Variants in SBNO2 observed in about 807,000 individuals in gnomAD.
SBNO2 encodes strawberry notch homolog 2, also known as protein strawberry notch homolog 2.
Under a neutral mutation model 146.3 loss-of-function variants are expected in SBNO2, and 89 were observed. That is an observed-to-expected ratio of 0.61 (90% CI 0.51 to 0.73). The LOEUF is 0.73. Ranked by LOEUF, SBNO2 falls within the 30% of genes least tolerant of loss-of-function variation. The pLI is 0.00. For synonymous variants in SBNO2, 1,147 were observed against 892.6 expected (o/e 1.29, Z -5.08); for missense variants, 2,092 against 2,003.7 (o/e 1.04, Z -0.84).
intron 1 of SBNO2, among the ~76,000 whole-genome samples, chr19:1,167,883 G>A (rs980508203): frequency 6.6e-6 from 1 of 152,180 alleles, no homozygotes; most frequent in Non-Finnish European, 1.5e-5. Flanking sequence ...GCAGGCTCCG[G>A]GGACACGCTC....
intron 1 of SBNO2, among the ~76,000 whole-genome samples, chr19:1,172,922 A>G (rs1444956133): frequency 6.6e-6 from 1 of 151,376 alleles, no homozygotes; most frequent in Non-Finnish European, 1.5e-5. Context: ...GGACGTTCTG[A>G]GCAGGCGGGA....
At position 1,112,117 on chromosome 19, in the gene SBNO2, A is replaced by C; in HGVS notation, c.2629-50T>G. On this transcript the variant is annotated intron_variant, in intron 22 of 31. Transcript: ENST00000361757. This position sits in a 1 kb window ranked among gnomAD's most constrained non-coding sequence, Gnocchi z 5.9. ...GTTGGTCACCTGGGGTCTGGCCTCT[A>C]GCACCCCACAAAGCTTTGGAGAGCC... The C allele has an allele frequency of 6.2e-7, 1 of 1,606,980 alleles. No homozygotes were observed. The highest frequency in any genetic ancestry group is 8.5e-7 in the Non-Finnish European group (1 of 1,176,582).
At chr19:1,111,471 C>A (rs764115868) in intron 24 of SBNO2, 35 bp downstream of exon 24, 5 of 1,436,822 alleles carry the variant, frequency 3.5e-6, no homozygotes, top group Non-Finnish European at 4.8e-6. Context: ...GCAACCCCTG[C>A]CCCTCCCAGG....
In SBNO2 at chr19:1,149,359, C is replaced by T. The variant is rs757041508; in HGVS notation, c.167+10G>A. 4.1e-5 allele frequency: 63 copies of T among 1,550,736 alleles called. 1 individual carries two copies. In the South Asian group the frequency reaches 4.9e-4, roughly 12 times the overall value. ...CCTGGGGGCCAGGCGGGGAGGGTCC[C>T]GGTACTCACCGGCTGTCGCTGGAGA... On this transcript the variant is annotated intron_variant, in intron 3 of 31. Coordinates refer to ENST00000361757, the MANE Select transcript of SBNO2 (RefSeq NM_014963.3).
intron 17 of SBNO2, 115 bp downstream of exon 17, chr19:1,115,906 C>A (rs1199603354): frequency 1.2e-6 from 1 of 846,488 alleles, no homozygotes; most frequent in Admixed American, 2.0e-5. Context: ...ACGGACAGGA[C>A]CTGCATTTGG....
intron 1 of SBNO2, among the ~76,000 whole-genome samples, chr19:1,163,456 G>A (rs1804131144): frequency 6.6e-6 from 1 of 152,226 alleles, no homozygotes; most frequent in Non-Finnish European, 1.5e-5. Flanking sequence ...CACCCAGTTT[G>A]CAGCACTGCT....
chr19:1,147,496 T>A, intron 3 of SBNO2, 76 bp from the exon 4 acceptor site: 2 of 844,244 alleles, frequency 2.4e-6, no homozygotes, highest in Non-Finnish European at 3.5e-6. Context: ...TGCACCCCCA[T>A]GGCCGCAGCC....
chr19:1,156,977 CACA>C (rs1568630692), intron 1 of SBNO2, among the ~76,000 whole-genome samples: 104 of 151,100 alleles, frequency 6.9e-4, no homozygotes, highest in East Asian at 1.8e-3. Flanking sequence ...CCTCAGGACC[CACA>C]GCCCTGCCTT....
chr19:1,172,372 G>A (rs1167324172), intron 1 of SBNO2, among the ~76,000 whole-genome samples: 1 of 152,164 alleles, frequency 6.6e-6, no homozygotes, highest in Non-Finnish European at 1.5e-5. Context: ...GCCACTGTGA[G>A]AAGCCATCAC....
Position 1,170,605 on chromosome 19 carries a change from C to A in SBNO2, c.-127+3567G>T, listed in dbSNP as rs999515136. On this transcript the variant is annotated intron_variant, in intron 1 of 31. Coordinates refer to ENST00000361757, the MANE Select transcript of SBNO2 (RefSeq NM_014963.3). ...TGACTGGAGGTATTCCAGGCCTGCC[C>A]GCAACAAATCACACACACATGCACA... Among the ~76,000 whole-genome samples the A allele has an allele frequency of 3.3e-5, 5 of 152,116 alleles. No individual in the cohort carries two copies. In the East Asian group the frequency reaches 7.7e-4, roughly 23 times the overall value.
In SBNO2 at chr19:1,123,061, C is replaced by CGGA. The variant is rs779771448; in HGVS notation, c.629-19_629-17dup. The CGGA allele has an allele frequency of 4.4e-6, 7 of 1,589,784 alleles. No homozygotes were observed. The South Asian group carries it at 8.0e-5, about 18-fold the overall frequency. ...CCGATCTTGGCTGGAGGAGCAAGGACGGAGGGCAAGGTAAAGGGTATGGCC... is the reference window on the plus strand; with the variant it reads ...CCGATCTTGGCTGGAGGAGCAAGGACGGAGGAGGGCAAGGTAAAGGGTATGGCC... On this transcript the variant is annotated splice_polypyrimidine_tract_variant and intron_variant, in intron 7 of 31. Coordinates refer to ENST00000361757, the MANE Select transcript of SBNO2 (RefSeq NM_014963.3).
rs1346531401 is a variant in SBNO2, at chr19:1,166,188, C to T, written c.-127+7984G>A. 3.4e-3 allele frequency among the ~76,000 whole-genome samples: 275 copies of T among 80,570 alleles called. 3 individuals carry two copies. The highest frequency in any genetic ancestry group is 0.014 in the African/African-American group (268 of 18,942). 52.9% of individuals were successfully genotyped at this position (80,570 alleles called of 152,430 possible). ...AGATCCCCAGACCCCAGATCCCAGACTTCAGATCCCCGGATCCCCAGATCC... is the reference window on the plus strand; with the variant it reads ...AGATCCCCAGACCCCAGATCCCAGATTTCAGATCCCCGGATCCCCAGATCC... On this transcript the variant is annotated intron_variant, in intron 1 of 31. Coordinates refer to ENST00000361757, the MANE Select transcript of SBNO2 (RefSeq NM_014963.3).
In SBNO2 at chr19:1,122,924, C is replaced by A. The variant is rs963746911; in HGVS notation, c.750G>T (p.Leu250=). ...LPSDSGALSA[L]QLEAITYACQ... is the part of the protein sequence containing the mutation. ...AGGCGTAGGTGATGGCCTCTAGCTG[C>A]AGGGCAGACAGGGCCCCGCTGTCCG... Residue 250 remains leucine (L), a synonymous_variant, in exon 8 of 32, where the codon CTG becomes CTT. Coordinates refer to ENST00000361757, the MANE Select transcript of SBNO2 (RefSeq NM_014963.3). The A allele has an allele frequency of 1.7e-5, 26 of 1,555,086 alleles. No individual in the cohort carries two copies. Among genetic ancestry groups the A allele is most frequent in the Non-Finnish European group, 2.1e-5 (24 of 1,150,110 alleles).
In SBNO2 at chr19:1,114,231, C is replaced by T; in HGVS notation, c.2077G>A (p.Gly693Arg). ...CTGGCCAGCCTGGGCAAGCCCTCAC[C>T]CCGGTCGTCACTGGGGAGCCCGACT... The part of the protein sequence containing the change: ...DAVGLPSDDR[G>R]PLCLLQRDPH... Residue 693 changes from glycine to arginine, a missense_variant and splice_region_variant, in exon 18 of 32, where the codon GGA becomes AGA. Gly to Arg is a moderately radical substitution (Grantham distance 125, BLOSUM62 -2). Coordinates refer to ENST00000361757, the MANE Select transcript of SBNO2 (RefSeq NM_014963.3). 6.7e-7 allele frequency: 1 copy of T among 1,483,672 alleles called. No individual in the cohort carries two copies. The highest frequency in any genetic ancestry group is 9.0e-7 in the Non-Finnish European group (1 of 1,108,264). The allele number at this position is 1,483,672 out of a possible 1,614,324, so 91.9% of individuals were successfully genotyped here.
Position 1,166,019 on chromosome 19 carries a change from TCAGACCCCAGACCC to T in SBNO2, c.-127+8139_-127+8152del, listed in dbSNP as rs2080416987. Among the ~76,000 whole-genome samples, 2 of 57,138 alleles carry T rather than the reference TCAGACCCCAGACCC, an allele frequency of 3.5e-5. 1 individual carries two copies. Among genetic ancestry groups the T allele is most frequent in the African/African-American group, 1.9e-4 (2 of 10,586 alleles). The allele number at this position is 57,138 out of a possible 152,430, so 37.5% of individuals were successfully genotyped here. A position where few individuals can be genotyped will look rare whatever the true frequency, so the allele number is the denominator to read the frequency against. ...GACCCCAGATCCTAGATCCCAGACCTCAGACCCCAGACCCCAGACCCCAGATCCCAGATCCCAGA... is the reference window on the plus strand; with the variant it reads ...GACCCCAGATCCTAGATCCCAGACCTCAGACCCCAGATCCCAGATCCCAGA... On this transcript the variant is annotated intron_variant, in intron 1 of 31. Coordinates refer to ENST00000361757, the MANE Select transcript of SBNO2 (RefSeq NM_014963.3).
Position 1,116,106 on chromosome 19 carries a change from G to A in SBNO2, c.1803-3C>T, listed in dbSNP as rs1479314434. ...GAATTAGCGACAGGAACACGCCTCT[G>A]AAAGTGAGACGCGGAGTTTATTCTC... On this transcript the variant is annotated splice_polypyrimidine_tract_variant and splice_region_variant and intron_variant, in intron 16 of 31. Coordinates refer to ENST00000361757, the MANE Select transcript of SBNO2 (RefSeq NM_014963.3). 5 of 1,606,402 alleles carry A rather than the reference G, an allele frequency of 3.1e-6. No individual in the cohort carries two copies. The East Asian group carries it at 6.7e-5, about 22-fold the overall frequency.
intron 1 of SBNO2, among the ~76,000 whole-genome samples, chr19:1,165,010 G>A (rs1429769278): frequency 3.4e-5 from 5 of 149,074 alleles, no homozygotes; most frequent in Non-Finnish European, 7.5e-5. Flanking sequence ...CGGCACTGTG[G>A]GTCTTCCACA....
In SBNO2 at chr19:1,117,300, C is replaced by G. The variant is rs757377926; in HGVS notation, c.1704+23G>C. Reference sequence around the variant, plus strand: ...CCCTGCAGGCCCGGCCGCCCTCAGCCCTCGAAGGCCGCAGCCGCTCACCTT... The same window carrying G: ...CCCTGCAGGCCCGGCCGCCCTCAGCGCTCGAAGGCCGCAGCCGCTCACCTT... On this transcript the variant is annotated intron_variant, in intron 15 of 31. Coordinates refer to ENST00000361757, the MANE Select transcript of SBNO2 (RefSeq NM_014963.3). 1.9e-6 allele frequency: 3 copies of G among 1,547,020 alleles called. No individual in the cohort carries two copies. The African/African-American group carries it at 4.1e-5, about 21-fold the overall frequency.
chr19:1,163,169 G>C (rs1442526262), intron 1 of SBNO2, among the ~76,000 whole-genome samples: 1 of 152,188 alleles, frequency 6.6e-6, no homozygotes, highest in Non-Finnish European at 1.5e-5. Context: ...TTGCATACAG[G>C]GTCTTTGCAC....
Sources: allele counts gnomAD v4.1 joint callset (sites outside exome capture counted in the v4.1 genomes callset), GRCh38; gene constraint gnomAD v4.1.1; non-coding constraint Gnocchi (gnomAD v3.1); transcripts MANE v1.5; gene names NCBI Gene and HGNC (gene_info 2026-07-23, HGNC 2026-07-21).